Variants in MINK1 observed in about 807,000 individuals in gnomAD.
MINK1 encodes the protein misshapen-like kinase 1.
MINK1 carries 46 observed loss-of-function variants against 178.4 expected under a neutral mutation model. That is an observed-to-expected ratio of 0.26 (90% CI 0.20 to 0.33). The LOEUF (loss-of-function observed/expected upper bound fraction) is 0.33. MINK1 is among the 10% of genes least tolerant of loss of function. The pLI is 1.00. For synonymous variants in MINK1, 797 were observed against 709.7 expected (o/e 1.12, Z -1.96); for missense variants, 1,366 against 1,814.9 (o/e 0.75, Z 4.49).
intron 1 of MINK1, among the ~76,000 whole-genome samples, chr17:4,842,213 G>T (rs1206102484): frequency 8.3e-6 from 1 of 120,656 alleles, no homozygotes; most frequent in Non-Finnish European, 1.7e-5. Flanking sequence ...GACAGAGCGA[G>T]ACTCTGTCCA....
At position 4,885,196 on chromosome 17, in the gene MINK1, C is replaced by T. The variant is rs1405236166; in HGVS notation, c.508+194C>T. ...CCCTCAGGAAGCTCTTCACCTGTCA[C>T]CTGTTACGGGCCAGGTGCTCTGCAG... On this transcript the variant is annotated intron_variant, in intron 6 of 31. Coordinates refer to ENST00000355280, the MANE Select transcript of MINK1 (RefSeq NM_153827.5). This position sits in a 1 kb window ranked among gnomAD's most constrained non-coding sequence, Gnocchi z 5.0. 6.6e-6 allele frequency among the ~76,000 whole-genome samples: 1 copy of T among 152,224 alleles called. No homozygotes were observed. The highest frequency in any genetic ancestry group is 1.9e-4 in the East Asian group (1 of 5,190).
intron 15 of MINK1, 27 bp from the exon 16 acceptor site, chr17:4,891,429 C>G: frequency 2.0e-6 from 3 of 1,526,836 alleles, no homozygotes; most frequent in Non-Finnish European, 2.6e-6. Flanking sequence ...GAGCAGGCAG[C>G]CCACCCTCCC....
At chr17:4,863,639 G>A (rs1013149991) in intron 1 of MINK1, among the ~76,000 whole-genome samples, 5 of 152,136 alleles carry the variant, frequency 3.3e-5, no homozygotes, top group African/African-American at 1.2e-4. Context: ...CTGGGCAAGT[G>A]TTTAATTGTT....
At chr17:4,859,227 GTTC>G (rs1180498110) in intron 1 of MINK1, 2 of 985,234 alleles carry the variant, frequency 2.0e-6, no homozygotes, top group East Asian at 1.1e-4. Flanking sequence ...TATGGTTCCA[GTTC>G]TTCTACCATT....
chr17:4,836,445 G>A lies in MINK1; in HGVS notation c.57+2805G>A, dbSNP rs1478363617. 6.6e-6 allele frequency among the ~76,000 whole-genome samples: 1 copy of A among 152,118 alleles called. No homozygotes were observed. The highest frequency in any genetic ancestry group is 1.5e-5 in the Non-Finnish European group (1 of 68,012). ...CCTTTTCTCCACCAGCCTGGCTGCA[G>A]CGTGGTGAGGAAAAGCATGTGGTTT... On this transcript the variant is annotated intron_variant, in intron 1 of 31. Transcript: ENST00000355280. The surrounding 1 kb of genome is among the most constrained non-coding windows in gnomAD (Gnocchi z 4.3).
At chr17:4,881,328 T>A in intron 4 of MINK1, 71 bp downstream of exon 4, 1 of 1,459,458 alleles carries the variant, frequency 6.9e-7, no homozygotes, top group Non-Finnish European at 9.2e-7. Flanking sequence ...TAGGACTCAG[T>A]ATCAGTGCCC....
At chr17:4,867,908 A>G (rs1915276989) in intron 1 of MINK1, among the ~76,000 whole-genome samples, 1 of 152,124 alleles carries the variant, frequency 6.6e-6, no homozygotes, top group Admixed American at 6.5e-5. Flanking sequence ...TTAAATCAGC[A>G]TAATTTGGGC....
At chr17:4,866,241 A>G (rs1436415860) in intron 1 of MINK1, among the ~76,000 whole-genome samples, 6 of 151,892 alleles carry the variant, frequency 4.0e-5, no homozygotes, top group East Asian at 1.9e-4. Flanking sequence ...GCCAAGACAG[A>G]TGGATCACGA....
chr17:4,863,576 C>T (rs540255499), intron 1 of MINK1, among the ~76,000 whole-genome samples: 27 of 152,236 alleles, frequency 1.8e-4, no homozygotes, highest in African/African-American at 6.5e-4. Flanking sequence ...AAGCACACTG[C>T]AGGCCTTGAG....
chr17:4,872,498 C>T (rs773797733), intron 1 of MINK1, among the ~76,000 whole-genome samples: 2 of 151,392 alleles, frequency 1.3e-5, no homozygotes, highest in African/African-American at 4.9e-5. Context: ...ATTGGCTGAG[C>T]GCAGTGGCTC....
At chr17:4,848,562 G>A (rs898191181) in intron 1 of MINK1, among the ~76,000 whole-genome samples, 3 of 152,148 alleles carry the variant, frequency 2.0e-5, no homozygotes, top group African/African-American at 7.2e-5. Flanking sequence ...GGGTTTCACC[G>A]TGTTAGCCAG....
At chr17:4,893,113 G>T in intron 20 of MINK1, 46 bp downstream of exon 20, 1 of 1,543,362 alleles carries the variant, frequency 6.5e-7, no homozygotes. Flanking sequence ...CCTGGTTTGG[G>T]GCTTAGCCTC....
In MINK1 at chr17:4,833,810, C is replaced by G. The variant is rs182332685; in HGVS notation, c.57+170C>G. On this transcript the variant is annotated intron_variant, in intron 1 of 31. Transcript: ENST00000355280. The surrounding 1 kb of genome is among the most constrained non-coding windows in gnomAD (Gnocchi z 4.8). ...CCCGCCGCGGCTGGGCCCCCGCCCT[C>G]TGCTCCCTTCTCTCTCCACTGGCTG... Among the ~76,000 whole-genome samples the G allele has an allele frequency of 1.3e-5, 2 of 152,340 alleles. No individual in the cohort carries two copies. Among genetic ancestry groups the G allele is most frequent in the African/African-American group, 4.8e-5 (2 of 41,584 alleles).
intron 1 of MINK1, among the ~76,000 whole-genome samples, chr17:4,850,768 TG>T (rs1911824839): frequency 1.3e-5 from 2 of 152,196 alleles, no homozygotes; most frequent in South Asian, 4.1e-4. Flanking sequence ...AGAAGGAGGC[TG>T]GCAATAAGAT....
At chr17:4,839,006 C>G (rs539567930) in intron 1 of MINK1, among the ~76,000 whole-genome samples, 1 of 151,550 alleles carries the variant, frequency 6.6e-6, no homozygotes, top group East Asian at 1.9e-4. Context: ...TGCAGTGGCG[C>G]GATCTTGGCT....
In MINK1 at chr17:4,897,433, C is replaced by G. The variant is rs375938060; in HGVS notation, c.*146C>G. 4.5e-6 allele frequency: 3 copies of G among 664,770 alleles called. No homozygotes were observed. Among genetic ancestry groups the G allele is most frequent in the Non-Finnish European group, 7.7e-6 (3 of 387,450 alleles). The allele number at this position is 664,770 out of a possible 1,614,324, so 41.2% of individuals were successfully genotyped here. On this transcript the variant is annotated 3_prime_UTR_variant, in exon 32 of 32. Coordinates refer to ENST00000355280, the MANE Select transcript of MINK1 (RefSeq NM_153827.5). The stretch of plus-strand genomic sequence containing the variant: ...AGCCTGCTGGGAACGTGACCTCTGA[C>G]CCCTGATGCTTTCGTGATCACGTGA...
At chr17:4,884,805 C>T in intron 5 of MINK1, 107 bp from the exon 6 acceptor site, 1 of 973,980 alleles carries the variant, frequency 1.0e-6, no homozygotes, top group South Asian at 1.5e-5. Context: ...TCCTTCAGCC[C>T]AGCCCTGTCC....
At position 4,892,223 on chromosome 17, in the gene MINK1, A is replaced by C; in HGVS notation, c.2076A>C (p.Ala692=). ...SGAGGSRPAQ[A]VRARPRSNSA... The stretch of plus-strand genomic sequence containing the variant: ...CCGGAGGGTCCCGGCCAGCCCAGGC[A>C]GTCCGTGCCAGGTAATGCCTGGGTA... Residue 692 remains alanine (A), a synonymous_variant, in exon 17 of 32, where the codon GCA becomes GCC. Coordinates refer to ENST00000355280, the MANE Select transcript of MINK1 (RefSeq NM_153827.5). 1 of 1,584,848 alleles carries C rather than the reference A, an allele frequency of 6.3e-7. No individual in the cohort carries two copies. The highest frequency in any genetic ancestry group is 8.6e-7 in the Non-Finnish European group (1 of 1,166,358).
rs766437988 is a variant in MINK1, at chr17:4,894,477, G to A, written c.2809-48G>A. ...GGGGAACAGCAGCAGGGGCAGGGCC[G>A]CAGCTGGACTTGCACTTGTTTGCCT... On this transcript the variant is annotated intron_variant, in intron 23 of 31. Transcript: ENST00000355280. The surrounding 1 kb of genome is among the most constrained non-coding windows in gnomAD (Gnocchi z 4.1). 9.2e-6 allele frequency: 14 copies of A among 1,523,408 alleles called. No individual in the cohort carries two copies. The highest frequency in any genetic ancestry group is 2.4e-5 in the East Asian group (1 of 41,270). The allele number at this position is 1,523,408 out of a possible 1,614,324, so 94.4% of individuals were successfully genotyped here.
Sources: gnomAD v4.1 joint callset for allele counts (sites outside exome capture counted in the v4.1 genomes callset) on GRCh38, gnomAD v4.1.1 for gene constraint, Gnocchi (gnomAD v3.1) non-coding constraint, MANE v1.5 for transcripts, NCBI Gene and HGNC (gene_info 2026-07-23, HGNC 2026-07-21) for gene names.